CDK15: variants seen among roughly 807,000 people sequenced by gnomAD.
CDK15 encodes cyclin dependent kinase 15, also known as cyclin-dependent kinase 15.
Under a neutral mutation model 60.3 loss-of-function variants are expected in CDK15, and 62 were observed. The ratio of observed to expected loss-of-function variants is 1.03; its 90% CI spans 0.84 to 1.27. The LOEUF (loss-of-function observed/expected upper bound fraction) is 1.27, where lower values mean the gene tolerates loss of function less well. CDK15 is among the 50% of genes most tolerant of loss of function. CDK15 has a pLI of 0.00. For synonymous variants in CDK15, 194 were observed against 195.7 expected, an observed-to-expected ratio of 0.99 and a Z score of 0.07; for missense variants, 541 against 527.8, an observed-to-expected ratio of 1.03 and a Z score of -0.25.
intron 9 of CDK15, among the ~76,000 whole-genome samples, chr2:201,854,025 A>C (rs1483624711): frequency 1.3e-5 from 2 of 151,948 alleles, no homozygotes; most frequent in Non-Finnish European, 2.9e-5. Context: ...AACAACAAAA[A>C]TAGCCAGGCG....
intron 4 of CDK15, among the ~76,000 whole-genome samples, chr2:201,814,262 A>T (rs1364099853): frequency 6.6e-6 from 1 of 152,196 alleles, no homozygotes; most frequent in Non-Finnish European, 1.5e-5. Context: ...TTCATTGCAT[A>T]TTTACGGAGG....
At chr2:201,885,839 T>C (rs1699433119) in intron 12 of CDK15, among the ~76,000 whole-genome samples, 1 of 152,172 alleles carries the variant, frequency 6.6e-6, no homozygotes, top group African/African-American at 2.4e-5. Context: ...ATCTATATGC[T>C]TTATATAAAT....
intron 8 of CDK15, among the ~76,000 whole-genome samples, chr2:201,846,282 C>G (rs1477013955): frequency 1.3e-5 from 2 of 152,000 alleles, no homozygotes; most frequent in Non-Finnish European, 2.9e-5. Flanking sequence ...CACTTGAGGT[C>G]AGGAATTCAA....
At position 201,835,711 on chromosome 2, in the gene CDK15, C is replaced by A. The variant is rs866522241; in HGVS notation, c.799C>A (p.Pro267Thr). 6.2e-7 allele frequency: 1 copy of A among 1,610,302 alleles called. No individual in the cohort carries two copies. Among genetic ancestry groups the A allele is most frequent in the Non-Finnish European group, 8.5e-7 (1 of 1,177,620 alleles). The change falls in exon 8 of 14, where the codon CCC becomes ACC. Residue 267 changes from proline to threonine, a missense_variant. Transcript: ENST00000652192. Reference sequence around the variant, plus strand: ...AGAAGTCGTGACCCTCTGGTACCGGCCCCCTGATGCTTTGCTGGGAGCCAC... The same window carrying A: ...AGAAGTCGTGACCCTCTGGTACCGGACCCCTGATGCTTTGCTGGGAGCCAC... ...SSEVVTLWYRPPDALLGATEY... is the reference protein window; with the variant it reads ...SSEVVTLWYRTPDALLGATEY...
intron 8 of CDK15, among the ~76,000 whole-genome samples, chr2:201,836,606 C>A (rs1012939969): frequency 6.6e-6 from 1 of 151,600 alleles, no homozygotes; most frequent in African/African-American, 2.4e-5. Context: ...CATGCTCTTT[C>A]TTTCACGCCT....
chr2:201,884,251 C>G (rs1025702603), intron 12 of CDK15, among the ~76,000 whole-genome samples: 1 of 152,168 alleles, frequency 6.6e-6, no homozygotes, highest in African/African-American at 2.4e-5. Context: ...ATACTTGAGT[C>G]TCCCATTCCT....
At chr2:201,811,430 G>A (rs1008114842) in intron 3 of CDK15, among the ~76,000 whole-genome samples, 1 of 152,228 alleles carries the variant, frequency 6.6e-6, no homozygotes, top group Non-Finnish European at 1.5e-5. Flanking sequence ...GATTACAGGC[G>A]TGAGCCACTG....
At chr2:201,837,452 AAGGAAGGAAGGAAGGAAG>A (rs1559127434) in intron 8 of CDK15, among the ~76,000 whole-genome samples, 1 of 1,308 alleles carries the variant, frequency 7.6e-4, no homozygotes. Flanking sequence ...GAAGGAAAGG[AAGGAAGGAAGGAAGGAAG>A]GAAGGAAGGA....
chr2:201,816,140 T>G (rs1695981068), intron 4 of CDK15, among the ~76,000 whole-genome samples: 1 of 152,202 alleles, frequency 6.6e-6, no homozygotes, highest in African/African-American at 2.4e-5. Flanking sequence ...TAATCTTTAA[T>G]TTTAGATTCA....
chr2:201,890,608 G>A (rs571378488), intron 12 of CDK15, among the ~76,000 whole-genome samples, 177 bp from the exon 13 acceptor site: 1 of 152,236 alleles, frequency 6.6e-6, no homozygotes, highest in Non-Finnish European at 1.5e-5. Context: ...GAAGGCACTT[G>A]CCAACTATTG....
chr2:201,816,455 G>GTTTTTTTTTTTTT lies in CDK15; in HGVS notation c.448+3905_448+3917dup, dbSNP rs55930032. Among the ~76,000 whole-genome samples, 40 of 79,858 alleles carry GTTTTTTTTTTTTT rather than the reference G, an allele frequency of 5.0e-4. 2 individuals carry two copies. Among genetic ancestry groups the GTTTTTTTTTTTTT allele is most frequent in the African/African-American group, 1.4e-3 (27 of 19,644 alleles). 52.4% of individuals were successfully genotyped at this position (79,858 alleles called of 152,430 possible). A position where few individuals can be genotyped will look rare whatever the true frequency, so the allele number is the denominator to read the frequency against. On this transcript the variant is annotated intron_variant, in intron 4 of 13. Coordinates refer to ENST00000652192, the MANE Select transcript of CDK15 (RefSeq NM_001366386.2). ...CATCCATGTTGCTGCTAAGGAAATG[G>GTTTTTTTTTTTTT]TTTTTTTTTTTTTTTTTTTTTTTTG...
chr2:201,826,632 G>A (rs1384756009), intron 6 of CDK15, among the ~76,000 whole-genome samples: 2 of 152,152 alleles, frequency 1.3e-5, no homozygotes, highest in East Asian at 1.9e-4. Flanking sequence ...GTTAGGGTTA[G>A]AGGAAACACA....
chr2:201,824,280 G>A (rs1696365109), intron 6 of CDK15, among the ~76,000 whole-genome samples: 1 of 151,818 alleles, frequency 6.6e-6, no homozygotes. Context: ...GGTTTTATTG[G>A]CATTAATTAA....
intron 9 of CDK15, 120 bp downstream of exon 9, chr2:201,847,594 A>G: frequency 1.2e-6 from 1 of 817,586 alleles, no homozygotes; most frequent in Non-Finnish European, 1.9e-6. Context: ...CTATATTAAG[A>G]TTGTAGAAAC....
chr2:201,835,762 T>C lies in CDK15; in HGVS notation c.850T>C (p.Trp284Arg), dbSNP rs1303238674. ...ATEYSSELDI[W>R]GAGCIFIEMF... ...TGAATATTCCTCTGAGCTGGACATA[T>C]GGTAAGAGTGGTGCCGAGAAAATGT... The change falls in exon 8 of 14, where the codon TGG (tryptophan) becomes CGG (arginine). Residue 284 changes from tryptophan (W) to arginine (R), a missense_variant and splice_region_variant. By Grantham distance (101) the Trp-to-Arg change is moderately radical. Coordinates refer to ENST00000652192, the MANE Select transcript of CDK15 (RefSeq NM_001366386.2). 9.6e-6 allele frequency: 15 copies of C among 1,555,806 alleles called. No individual in the cohort carries two copies. Among genetic ancestry groups the C allele is most frequent in the South Asian group, 1.2e-5 (1 of 81,422 alleles).
At chr2:201,876,213 A>G (rs16838329) in intron 11 of CDK15, among the ~76,000 whole-genome samples, 3,156 of 152,356 alleles carry the variant, frequency 0.021, 157 homozygotes, top group East Asian at 0.18. Context: ...GGCCACATGT[A>G]CAACTATGAC....
intron 11 of CDK15, among the ~76,000 whole-genome samples, chr2:201,875,345 G>T (rs1225079374): frequency 6.6e-6 from 1 of 152,268 alleles, no homozygotes; most frequent in South Asian, 2.1e-4. Context: ...AATGGAAATT[G>T]GTACAGCTCT....
intron 13 of CDK15, among the ~76,000 whole-genome samples, chr2:201,892,715 A>C (rs2105850318): frequency 6.6e-6 from 1 of 152,358 alleles, no homozygotes; most frequent in South Asian, 2.1e-4. Context: ...GATCAGCAAA[A>C]TCTAGAGTGC....
At chr2:201,872,396 C>G (rs1559144661) in intron 11 of CDK15, 70 bp downstream of exon 11, 14 of 1,515,564 alleles carry the variant, frequency 9.2e-6, no homozygotes, top group Non-Finnish European at 1.1e-5. Context: ...TTCCCTGGAT[C>G]TCAGTCCACT....
Sources: allele counts gnomAD v4.1 joint callset (sites outside exome capture counted in the v4.1 genomes callset), GRCh38; gene constraint gnomAD v4.1.1; transcripts MANE v1.5; gene names NCBI Gene and HGNC (gene_info 2026-07-23, HGNC 2026-07-21).